ERMP1: variants seen among roughly 807,000 people sequenced by gnomAD.
ERMP1 encodes Felix-ina.
A neutral mutation model predicts 92.0 loss-of-function variants in ERMP1; 86 were observed. The ratio of observed to expected loss-of-function variants is 0.93; its 90% CI spans 0.79 to 1.12. The LOEUF (loss-of-function observed/expected upper bound fraction) is 1.12, where lower values mean the gene tolerates loss of function less well. ERMP1 is among the 50% of genes most tolerant of loss of function. The probability of loss-of-function intolerance (pLI) is 0.00; values close to 1 mark genes in which losing one functional copy is unlikely to be tolerated. For missense variants in ERMP1, 1,342 were observed against 1,116.3 expected (o/e 1.20, Z -2.88); for synonymous variants, 530 against 412.8 (o/e 1.28, Z -3.44).
intron 2 of ERMP1, among the ~76,000 whole-genome samples, chr9:5,828,968 G>A (rs1020654928): frequency 1.3e-5 from 2 of 152,112 alleles, no homozygotes; most frequent in Non-Finnish European, 2.9e-5. Context: ...TGGTGGCCGG[G>A]CACAGTGGCT....
chr9:5,862,611 T>C (rs541257110), intron 5 of ERMP1, among the ~76,000 whole-genome samples: 7 of 152,236 alleles, frequency 4.6e-5, no homozygotes, highest in Non-Finnish European at 1.0e-4. Context: ...CCTCTTAACA[T>C]GCTGGGATTA....
intron 13 of ERMP1, among the ~76,000 whole-genome samples, chr9:5,790,169 CTTTTTTTTT>C (rs371493040): frequency 7.9e-6 from 1 of 126,808 alleles, no homozygotes; most frequent in African/African-American, 2.9e-5. Flanking sequence ...AAAACAATAC[CTTTTTTTTT>C]TTTTTTTTTT....
chr9:5,864,238 A>G (rs555888850), intron 5 of ERMP1, among the ~76,000 whole-genome samples: 4 of 152,312 alleles, frequency 2.6e-5, no homozygotes, highest in African/African-American at 9.6e-5. Context: ...TTTCAAAAGG[A>G]AATAGGATCT....
At chr9:5,823,841 T>C in intron 4 of ERMP1, 55 bp downstream of exon 4, 1 of 1,229,950 alleles carries the variant, frequency 8.1e-7, no homozygotes. Context: ...AAAAACTTTC[T>C]ACTTTTACAA....
intron 13 of ERMP1, 80 bp downstream of exon 13, chr9:5,797,737 T>A: frequency 4.8e-6 from 4 of 839,800 alleles, no homozygotes; most frequent in Non-Finnish European, 5.9e-6. Flanking sequence ...CTGTGATATA[T>A]CTGAGGGAAA....
chr9:5,861,201 G>GTGTGTGTGTGTA (rs1830484430), intron 5 of ERMP1, among the ~76,000 whole-genome samples: 2 of 149,972 alleles, frequency 1.3e-5, no homozygotes, highest in African/African-American at 4.9e-5. Context: ...GTGTGTGTGT[G>GTGTGTGTGTGTA]TGTGTGTGTG....
At chr9:5,795,647 G>A (rs541717534) in intron 13 of ERMP1, among the ~76,000 whole-genome samples, 11 of 152,132 alleles carry the variant, frequency 7.2e-5, no homozygotes, top group East Asian at 1.9e-4. Flanking sequence ...GTGTGGTGGC[G>A]GGTGCCTGTA....
intron 6 of ERMP1, among the ~76,000 whole-genome samples, chr9:5,838,325 T>C (rs967359109): frequency 2.0e-5 from 3 of 152,086 alleles, no homozygotes; most frequent in African/African-American, 7.2e-5. Flanking sequence ...GTGAATCACT[T>C]GAGTCCAGGA....
At chr9:5,865,571 G>A (rs183699642) in intron 5 of ERMP1, among the ~76,000 whole-genome samples, 1 of 150,528 alleles carries the variant, frequency 6.6e-6, no homozygotes, top group African/African-American at 2.4e-5. Flanking sequence ...AGTGGCTCAC[G>A]CCTGTAATCC....
chr9:5,810,297 T>C (rs1829042882), intron 7 of ERMP1, 66 bp from the exon 8 acceptor site: 4 of 1,161,022 alleles, frequency 3.4e-6, no homozygotes, highest in African/African-American at 1.5e-5. Context: ...AACCAGTCAG[T>C]AGAGCTAAAT....
intron 2 of ERMP1, among the ~76,000 whole-genome samples, chr9:5,829,615 C>T (rs10975306): frequency 6.6e-6 from 1 of 152,178 alleles, no homozygotes; most frequent in Admixed American, 6.5e-5. Flanking sequence ...AGATGAGAAA[C>T]TAAGAAGTTA....
At chr9:5,863,230 C>T (rs1830555166) in intron 5 of ERMP1, among the ~76,000 whole-genome samples, 1 of 152,140 alleles carries the variant, frequency 6.6e-6, no homozygotes, top group Non-Finnish European at 1.5e-5. Flanking sequence ...AGCTTCAGTG[C>T]CTTTGTACTT....
rs1357315526 is a variant in ERMP1, at chr9:5,832,934, C to G, written c.94G>C (p.Glu32Gln). ...GAAAAPPPER[E>Q]ARAQEPLVDG... is the part of the protein sequence containing the mutation. ...ACCAGAGGCTCCTGCGCTCGGGCCTCCCTCTCCGGCGGTGGCGCGGCCGCC... is the reference window on the plus strand; with the variant it reads ...ACCAGAGGCTCCTGCGCTCGGGCCTGCCTCTCCGGCGGTGGCGCGGCCGCC... Residue 32 changes from glutamate (E) to glutamine (Q), a missense_variant, in exon 1 of 15, where the codon GAG becomes CAG. Glu to Gln is a conservative substitution (Grantham distance 29, BLOSUM62 2). Transcript: ENST00000339450. 6.4e-7 allele frequency: 1 copy of G among 1,562,204 alleles called. No homozygotes were observed. The highest frequency in any genetic ancestry group is 8.6e-7 in the Non-Finnish European group (1 of 1,165,426).
intron 8 of ERMP1, among the ~76,000 whole-genome samples, chr9:5,806,893 C>G (rs995626943): frequency 6.6e-6 from 1 of 152,176 alleles, no homozygotes; most frequent in African/African-American, 2.4e-5. Flanking sequence ...GTTTCTGTGA[C>G]GTGTTTTCAA....
At chr9:5,792,229 T>C (rs534962384) in intron 13 of ERMP1, among the ~76,000 whole-genome samples, 10 of 152,178 alleles carry the variant, frequency 6.6e-5, no homozygotes, top group Non-Finnish European at 1.3e-4. Flanking sequence ...GAACTTACTC[T>C]CCAGGCAACA....
intron 13 of ERMP1, among the ~76,000 whole-genome samples, chr9:5,790,439 G>C (rs1037302148): frequency 1.3e-5 from 2 of 152,118 alleles, no homozygotes; most frequent in African/African-American, 4.8e-5. Context: ...CCAAATGTAT[G>C]AGTAATAAAA....
chr9:5,842,429 T>C (rs1285291245), intron 6 of ERMP1, among the ~76,000 whole-genome samples: 1 of 91,726 alleles, frequency 1.1e-5, no homozygotes, highest in Non-Finnish European at 2.2e-5. Context: ...AGAACGAGAC[T>C]GTCTCAAAAA....
At chr9:5,854,418 G>A (rs977700308) in intron 6 of ERMP1, among the ~76,000 whole-genome samples, 3 of 152,098 alleles carry the variant, frequency 2.0e-5, no homozygotes, top group Admixed American at 2.0e-4. Flanking sequence ...TAATATGCTT[G>A]GGTCACTCAC....
At chr9:5,833,280 C>T (rs566752923), upstream of ERMP1, among the ~76,000 whole-genome samples, 1 of 152,366 alleles carries the variant, frequency 6.6e-6, no homozygotes, top group South Asian at 2.1e-4. Flanking sequence ...TTCCAGCCCT[C>T]TGTAGGACGG....
Sources: allele counts gnomAD v4.1 joint callset (sites outside exome capture counted in the v4.1 genomes callset), GRCh38; gene constraint gnomAD v4.1.1; transcripts MANE v1.5; gene names NCBI Gene and HGNC (gene_info 2026-07-23, HGNC 2026-07-21).